Variants in ZMAT4 observed in about 807,000 individuals in gnomAD.
ZMAT4 encodes the protein zinc finger matrin-type protein 4.
In ZMAT4, 17 loss-of-function variants were observed where a neutral mutation model predicts 28.7. The ratio of observed to expected loss-of-function variants is 0.59; its 90% CI spans 0.41 to 0.89. The LOEUF (loss-of-function observed/expected upper bound fraction) is 0.89, where lower values mean the gene tolerates loss of function less well. Ranked by LOEUF, ZMAT4 falls within the 40% of genes least tolerant of loss-of-function variation. The pLI, the probability that ZMAT4 is intolerant of heterozygous loss-of-function variation, is 0.00. For missense variants in ZMAT4, 240 were observed against 283.8 expected (o/e 0.85, Z 1.11); for synonymous variants, 117 against 109.2 (o/e 1.07, Z -0.44).
rs59636035 is a variant in ZMAT4 at position 40,799,079 on chromosome 8, C to CTGGA, written c.102+26492_102+26495dup. 1.2e-3 allele frequency among the ~76,000 whole-genome samples: 180 copies of CTGGA among 150,276 alleles called. 1 individual carries two copies. The highest frequency in any genetic ancestry group is 4.6e-3 in the East Asian group (23 of 5,032). ...GCTGGCTGGTTGGCTGGCTGGCTGG[C>CTGGA]TGGATGGATGGATGGATGGATGGAT... On this transcript the variant is annotated intron_variant, in intron 2 of 6. Coordinates refer to ENST00000297737, the MANE Select transcript of ZMAT4 (RefSeq NM_024645.3).
At chr8:40,845,705 C>CAA (rs111322922) in intron 1 of ZMAT4, among the ~76,000 whole-genome samples, 30 of 107,700 alleles carry the variant, frequency 2.8e-4, no homozygotes, top group African/African-American at 8.4e-4. Context: ...CAAGGAATTG[C>CAA]AAAAAAAAAA....
chr8:40,697,605 A>G (rs867790342), intron 3 of ZMAT4, among the ~76,000 whole-genome samples: 1 of 152,098 alleles, frequency 6.6e-6, no homozygotes, highest in Non-Finnish European at 1.5e-5. Context: ...ACATGTGCAG[A>G]AAGTGCAGGT....
At chr8:40,881,349 C>T (rs1288809993) in intron 1 of ZMAT4, among the ~76,000 whole-genome samples, 3 of 150,190 alleles carry the variant, frequency 2.0e-5, no homozygotes, top group Non-Finnish European at 2.9e-5. Flanking sequence ...TGAGACACCA[C>T]TGCACTCCAG....
At chr8:40,666,832 G>A (rs1028525033) in intron 5 of ZMAT4, among the ~76,000 whole-genome samples, 62 of 152,044 alleles carry the variant, frequency 4.1e-4, no homozygotes, top group African/African-American at 1.4e-3. Context: ...AAAATCTGGA[G>A]ATTTGCAACA....
chr8:40,535,950 G>A (rs139884431), intron 6 of ZMAT4, among the ~76,000 whole-genome samples: 58 of 152,282 alleles, frequency 3.8e-4, no homozygotes, highest in Middle Eastern at 3.4e-3. Flanking sequence ...TACATGAAAT[G>A]ATACGGCCAG....
At chr8:40,656,880 TG>T (rs1283071401) in intron 5 of ZMAT4, among the ~76,000 whole-genome samples, 1 of 151,980 alleles carries the variant, frequency 6.6e-6, no homozygotes, top group Admixed American at 6.6e-5. Flanking sequence ...CTTGGGGCTA[TG>T]GTGAGGGAAT....
intron 5 of ZMAT4, among the ~76,000 whole-genome samples, chr8:40,600,449 T>C (rs1278760772): frequency 2.0e-5 from 3 of 152,244 alleles, no homozygotes; most frequent in East Asian, 1.9e-4. Flanking sequence ...GCCAGGCTCC[T>C]GCCTGGATTC....
chr8:40,895,634 C>A (rs748253436), intron 1 of ZMAT4, among the ~76,000 whole-genome samples: 48 of 152,188 alleles, frequency 3.2e-4, no homozygotes, highest in Non-Finnish European at 6.3e-4. Context: ...CCCCTCCCCC[C>A]ACACTGCCTC....
chr8:40,559,380 C>T (rs1478762233), intron 6 of ZMAT4, among the ~76,000 whole-genome samples: 1 of 152,128 alleles, frequency 6.6e-6, no homozygotes, highest in Non-Finnish European at 1.5e-5. Flanking sequence ...CATGTTTGTT[C>T]AGTATGCATG....
intron 5 of ZMAT4, among the ~76,000 whole-genome samples, chr8:40,587,920 A>G (rs763250904): frequency 1.3e-5 from 2 of 152,060 alleles, no homozygotes; most frequent in Non-Finnish European, 2.9e-5. Context: ...AAGACATCCT[A>G]TGAAAATAAG....
intron 5 of ZMAT4, among the ~76,000 whole-genome samples, chr8:40,656,744 A>G (rs1195121119): frequency 6.6e-6 from 1 of 152,160 alleles, no homozygotes; most frequent in Non-Finnish European, 1.5e-5. Context: ...CCTCTACCCC[A>G]TAAATATGTA....
At chr8:40,723,282 C>G (rs890612306) in intron 3 of ZMAT4, among the ~76,000 whole-genome samples, 1 of 152,080 alleles carries the variant, frequency 6.6e-6, no homozygotes, top group Non-Finnish European at 1.5e-5. Flanking sequence ...GTGGCTCACG[C>G]CTGTAATCCC....
intron 4 of ZMAT4, among the ~76,000 whole-genome samples, chr8:40,686,686 G>A (rs1304205006): frequency 6.6e-6 from 1 of 151,982 alleles, no homozygotes; most frequent in East Asian, 1.9e-4. Context: ...CAGGTACAAA[G>A]AAAATAATAT....
intron 2 of ZMAT4, among the ~76,000 whole-genome samples, chr8:40,818,410 A>G (rs184062315): frequency 6.6e-6 from 1 of 152,370 alleles, no homozygotes; most frequent in African/African-American, 2.4e-5. Context: ...TCCATATGGA[A>G]TAATTGTATT....
intron 1 of ZMAT4, among the ~76,000 whole-genome samples, chr8:40,867,569 T>C (rs892106279): frequency 2.6e-5 from 4 of 152,100 alleles, no homozygotes; most frequent in African/African-American, 9.7e-5. Flanking sequence ...ATTCCTCCAC[T>C]CCAGCCATAC....
intron 2 of ZMAT4, among the ~76,000 whole-genome samples, chr8:40,789,577 C>T (rs1814237997): frequency 6.6e-6 from 1 of 152,036 alleles, no homozygotes; most frequent in East Asian, 1.9e-4. Context: ...CTGTTTGTAA[C>T]ACAAAGAAAA....
At chr8:40,841,459 C>T (rs898819315) in intron 1 of ZMAT4, among the ~76,000 whole-genome samples, 1 of 152,214 alleles carries the variant, frequency 6.6e-6, no homozygotes, top group African/African-American at 2.4e-5. Context: ...GTGTTCTCTC[C>T]TCTGCATCTG....
chr8:40,649,235 C>T (rs1807509262), intron 5 of ZMAT4, among the ~76,000 whole-genome samples: 1 of 152,054 alleles, frequency 6.6e-6, no homozygotes, highest in African/African-American at 2.4e-5. Context: ...GGAAGATCTA[C>T]CAAGCAAACG....
At chr8:40,586,707 C>T (rs1183523655) in intron 5 of ZMAT4, among the ~76,000 whole-genome samples, 1 of 152,136 alleles carries the variant, frequency 6.6e-6, no homozygotes, top group African/African-American at 2.4e-5. Flanking sequence ...TCAATTGTAT[C>T]CATTCTACAT....
Sources: gnomAD v4.1 joint callset for allele counts (sites outside exome capture counted in the v4.1 genomes callset) on GRCh38, gnomAD v4.1.1 for gene constraint, MANE v1.5 for transcripts, NCBI Gene and HGNC (gene_info 2026-07-23, HGNC 2026-07-21) for gene names.